Variants in ATXN1 observed in about 807,000 individuals in gnomAD.
The protein encoded by ATXN1 is ataxin-1.
ATXN1 carries 8 observed loss-of-function variants against 56.4 expected under a neutral mutation model. The observed-to-expected ratio is 0.14, with a 90% CI of 0.08 to 0.26. The LOEUF is 0.26. ATXN1 is among the 10% of genes least tolerant of loss of function. ATXN1 has a pLI of 1.00. For synonymous variants in ATXN1, 514 were observed against 494.6 expected (o/e 1.04, Z -0.52); for missense variants, 987 against 1,106.5 (o/e 0.89, Z 1.53).
chr6:16,443,208 C>CAAAAAA (rs70999325), intron 6 of ATXN1, among the ~76,000 whole-genome samples: 2 of 40,772 alleles, frequency 4.9e-5, no homozygotes, highest in East Asian at 9.4e-4. Flanking sequence ...TCTATTGGAG[C>CAAAAAA]AAAAAAAAAA....
intron 3 of ATXN1, among the ~76,000 whole-genome samples, chr6:16,613,875 A>T (rs924989404): frequency 6.6e-6 from 1 of 152,172 alleles, no homozygotes; most frequent in Non-Finnish European, 1.5e-5. Context: ...TTCTAGAAAC[A>T]TTAAAATGCT....
chr6:16,640,518 C>A (rs1198532360), intron 3 of ATXN1, among the ~76,000 whole-genome samples: 2 of 152,002 alleles, frequency 1.3e-5, no homozygotes, highest in African/African-American at 4.8e-5. Flanking sequence ...TCAATCTCTA[C>A]TAAAAATACA....
At chr6:16,421,331 A>T (rs1322495099) in intron 6 of ATXN1, among the ~76,000 whole-genome samples, 1 of 148,996 alleles carries the variant, frequency 6.7e-6, no homozygotes, top group African/African-American at 2.5e-5. Context: ...TTAACAGTAG[A>T]AAGGACACAG....
At chr6:16,476,861 T>C (rs985401549) in intron 6 of ATXN1, among the ~76,000 whole-genome samples, 5 of 152,238 alleles carry the variant, frequency 3.3e-5, no homozygotes, top group Admixed American at 2.6e-4. Context: ...ATACCTTCTG[T>C]TGAGTATACA....
chr6:16,301,959 C>T lies in ATXN1; in HGVS notation c.*4370G>A, dbSNP rs1313898213. The stretch of plus-strand genomic sequence containing the variant: ...CGTTTCCTTAAAAAACAAAACAAAA[C>T]AAAATCCAGAGCTACAACAACAAAA... On this transcript the variant is annotated 3_prime_UTR_variant, in exon 8 of 8. Transcript: ENST00000436367. The T allele has an allele frequency of 6.6e-6, 1 of 152,622 alleles. No individual in the cohort carries two copies. The highest frequency in any genetic ancestry group is 1.5e-5 in the Non-Finnish European group (1 of 68,020). 9.5% of individuals were successfully genotyped at this position (152,622 alleles called of 1,614,324 possible).
chr6:16,498,320 C>T lies in ATXN1; in HGVS notation c.-298-12211G>A, dbSNP rs567272249. 3.9e-5 allele frequency among the ~76,000 whole-genome samples: 6 copies of T among 152,278 alleles called. No homozygotes were observed. The East Asian group carries it at 7.7e-4, about 20-fold the overall frequency. ...ATTCATATTGTAACATGTACCAGTA[C>T]TTCATTCTTGTTTTGGTTCAATAAT... On this transcript the variant is annotated intron_variant, in intron 5 of 7. Coordinates refer to ENST00000436367, the MANE Select transcript of ATXN1 (RefSeq NM_001128164.2).
In ATXN1 at chr6:16,326,468, C is replaced by A. The variant is rs201004306; in HGVS notation, c.1843G>T (p.Val615Leu). Reference protein sequence around the residue: ...SNDLKIDSSTVERIEDSHSPG... With the variant: ...SNDLKIDSSTLERIEDSHSPG... The stretch of plus-strand genomic sequence containing the variant: ...CTATGGCTGTCTTCAATCCTCTCTA[C>A]GGTGCTGGAGTCGATCTTCAGGTCG... Residue 615 changes from valine (V) to leucine (L), a missense_variant, in exon 7 of 8, where the codon GTA becomes TTA. Coordinates refer to ENST00000436367, the MANE Select transcript of ATXN1 (RefSeq NM_001128164.2). This position sits in a 1 kb window ranked among gnomAD's most constrained non-coding sequence, Gnocchi z 6.6. 6.2e-7 allele frequency: 1 copy of A among 1,614,164 alleles called. No homozygotes were observed. Among genetic ancestry groups the A allele is most frequent in the Non-Finnish European group, 8.5e-7 (1 of 1,180,034 alleles).
At chr6:16,443,779 T>C (rs1297223999) in intron 6 of ATXN1, among the ~76,000 whole-genome samples, 1 of 152,156 alleles carries the variant, frequency 6.6e-6, no homozygotes, top group Non-Finnish European at 1.5e-5. Context: ...GTAAAAGCCT[T>C]GTGGCACATC....
At chr6:16,741,655 A>C (rs3812227) in intron 2 of ATXN1, among the ~76,000 whole-genome samples, 31,800 of 152,140 alleles carry the variant, frequency 0.21, 3,910 homozygotes, top group East Asian at 0.58. Context: ...TCCAGGACTT[A>C]AAGATGATAT....
At chr6:16,545,750 G>A (rs1412230108) in intron 4 of ATXN1, among the ~76,000 whole-genome samples, 1 of 152,308 alleles carries the variant, frequency 6.6e-6, no homozygotes, top group Non-Finnish European at 1.5e-5. Flanking sequence ...CTAAATTTGT[G>A]CCCATTTAAA....
chr6:16,414,011 T>C (rs1313365506), intron 6 of ATXN1, among the ~76,000 whole-genome samples: 1 of 152,234 alleles, frequency 6.6e-6, no homozygotes, highest in Non-Finnish European at 1.5e-5. Flanking sequence ...ATTGATTGTT[T>C]GTAAAAGTGA....
chr6:16,309,079 A>C (rs967202481), intron 7 of ATXN1, among the ~76,000 whole-genome samples: 2 of 151,806 alleles, frequency 1.3e-5, no homozygotes, highest in Non-Finnish European at 2.9e-5. Context: ...ATTTAAAAAA[A>C]AATAGCCTAG....
chr6:16,521,474 C>T lies in ATXN1; in HGVS notation c.-299+1153G>A, dbSNP rs186197260. ...TCAGGAGGCTGAGGCAGGAGAATGG[C>T]GTGAACCCGGGAGGCGGAGCTTGCA... On this transcript the variant is annotated intron_variant, in intron 5 of 7. Transcript: ENST00000436367. 3.5e-3 allele frequency among the ~76,000 whole-genome samples: 529 copies of T among 152,330 alleles called. 3 individuals carry two copies. The highest frequency in any genetic ancestry group is 0.012 in the African/African-American group (494 of 41,576).
At chr6:16,601,257 A>G (rs1762906981) in intron 3 of ATXN1, among the ~76,000 whole-genome samples, 1 of 152,226 alleles carries the variant, frequency 6.6e-6, no homozygotes, top group African/African-American at 2.4e-5. Context: ...TAGGTAGTCT[A>G]AGTTATGTGA....
chr6:16,516,068 G>A (rs945991494), intron 5 of ATXN1, among the ~76,000 whole-genome samples: 5 of 152,204 alleles, frequency 3.3e-5, no homozygotes, highest in Non-Finnish European at 7.3e-5. Flanking sequence ...GGGCTTTAGC[G>A]TAAGTTTAGC....
chr6:16,554,804 T>C (rs780883837), intron 4 of ATXN1, among the ~76,000 whole-genome samples: 11 of 152,148 alleles, frequency 7.2e-5, no homozygotes, highest in Non-Finnish European at 1.6e-4. Context: ...TTGGCTAGGC[T>C]GGTCTCGAAC....
intron 5 of ATXN1, among the ~76,000 whole-genome samples, chr6:16,497,134 T>C (rs1273807684): frequency 1.3e-5 from 2 of 152,192 alleles, no homozygotes; most frequent in Admixed American, 6.5e-5. Context: ...GACTTCGTTA[T>C]GGAAATGAAG....
chr6:16,573,018 T>C (rs970997637), intron 4 of ATXN1, among the ~76,000 whole-genome samples: 1 of 152,132 alleles, frequency 6.6e-6, no homozygotes, highest in Admixed American at 6.5e-5. Context: ...GTTTGAAAGA[T>C]CTTCTAACAC....
chr6:16,519,914 C>T (rs7768276), intron 5 of ATXN1, among the ~76,000 whole-genome samples: 1 of 152,196 alleles, frequency 6.6e-6, no homozygotes, highest in African/African-American at 2.4e-5. Flanking sequence ...CCGCATATCA[C>T]AGGCCCCAGG....
Sources: allele counts gnomAD v4.1 joint callset (sites outside exome capture counted in the v4.1 genomes callset), GRCh38; gene constraint gnomAD v4.1.1; non-coding constraint Gnocchi (gnomAD v3.1); transcripts MANE v1.5; gene names NCBI Gene and HGNC (gene_info 2026-07-23, HGNC 2026-07-21).